The following NXPE2 variants were observed in gnomAD, a reference collection of about 807,000 sequenced individuals.
NXPE2 encodes neurexophilin and PC-esterase domain family member 2, also known as NXPE family member 2.
In NXPE2, 34 loss-of-function variants were observed where a neutral mutation model predicts 34.4. The observed-to-expected ratio is 0.99, with a 90% confidence interval of 0.75 to 1.31. NXPE2 has a LOEUF of 1.31. Among genes scored for constraint, NXPE2 ranks in the 40% most tolerant of loss-of-function variants. NXPE2 has a pLI of 0.00. For missense variants in NXPE2, 649 were observed against 672.5 expected, an observed-to-expected ratio of 0.97 and a Z score of 0.39; for synonymous variants, 235 against 231.3, an observed-to-expected ratio of 1.02 and a Z score of -0.15.
At chr11:114,802,689 T>A in the NXPE2 span, among the ~76,000 whole-genome samples, 2 of 152,214 alleles carry the variant, frequency 1.3e-5, no homozygotes. Flanking sequence ...TTTTGAAATT[T>A]GAGTCTAATT....
At chr11:114,652,363 G>C in the NXPE2 span, among the ~76,000 whole-genome samples, 1 of 152,216 alleles carries the variant, frequency 6.6e-6, no homozygotes, top group South Asian at 2.1e-4. Flanking sequence ...CTGTGCCTAA[G>C]CTTGAAACTC....
At chr11:114,581,575 C>T in the NXPE2 span, 5 of 657,632 alleles carry the variant, frequency 7.6e-6, no homozygotes, top group African/African-American at 5.6e-5. Context: ...TATTCACTCA[C>T]CTAGGTAACT....
chr11:114,537,272 G>C, the NXPE2 span, among the ~76,000 whole-genome samples: 2 of 152,080 alleles, frequency 1.3e-5, no homozygotes. Context: ...GTATTGATGG[G>C]ACATATCTCA....
At chr11:114,673,332 A>C in the NXPE2 span, among the ~76,000 whole-genome samples, 1 of 151,544 alleles carries the variant, frequency 6.6e-6, no homozygotes, top group African/African-American at 2.4e-5. Flanking sequence ...TAAAGTAGTT[A>C]TTAGATGGAA....
the NXPE2 span, among the ~76,000 whole-genome samples, chr11:114,481,017 G>T: frequency 6.6e-6 from 1 of 152,076 alleles, no homozygotes; most frequent in East Asian, 1.9e-4. Flanking sequence ...AGTTATGATT[G>T]GATTTGTCGA....
At chr11:114,502,004 T>C in the NXPE2 span, among the ~76,000 whole-genome samples, 1 of 152,198 alleles carries the variant, frequency 6.6e-6, no homozygotes, top group African/African-American at 2.4e-5. Context: ...CATTGCACTA[T>C]TGACATTTTG....
chr11:114,598,130 G>C, the NXPE2 span, among the ~76,000 whole-genome samples: 1 of 152,160 alleles, frequency 6.6e-6, no homozygotes. Flanking sequence ...TTGGCAGAAA[G>C]AAAGCAGCTA....
chr11:114,805,824 C>A, the NXPE2 span, among the ~76,000 whole-genome samples: 1 of 152,224 alleles, frequency 6.6e-6, no homozygotes, highest in South Asian at 2.1e-4. Flanking sequence ...AAATGTCCCT[C>A]TCTGACAGCT....
At chr11:114,747,173 C>A in the NXPE2 span, among the ~76,000 whole-genome samples, 1 of 152,124 alleles carries the variant, frequency 6.6e-6, no homozygotes, top group Non-Finnish European at 1.5e-5. Flanking sequence ...TAATGAACAA[C>A]CACAAACTTA....
the NXPE2 span, among the ~76,000 whole-genome samples, chr11:114,718,791 A>G: frequency 6.6e-6 from 1 of 152,158 alleles, no homozygotes; most frequent in South Asian, 2.1e-4. Flanking sequence ...AGGAGACCTT[A>G]TTTATCATCA....
chr11:114,642,762 C>T, the NXPE2 span, among the ~76,000 whole-genome samples: 7 of 151,952 alleles, frequency 4.6e-5, no homozygotes, highest in East Asian at 1.9e-4. Flanking sequence ...GGTTTATATT[C>T]CTTTGGGTAT....
the NXPE2 span, among the ~76,000 whole-genome samples, chr11:114,521,022 T>C: frequency 3.3e-5 from 5 of 152,338 alleles, no homozygotes; most frequent in African/African-American, 9.6e-5. Flanking sequence ...CATTCACTGA[T>C]GATCTCTGCC....
At chr11:114,467,337 C>T in the NXPE2 span, among the ~76,000 whole-genome samples, 61 of 152,228 alleles carry the variant, frequency 4.0e-4, no homozygotes, top group South Asian at 0.012. Flanking sequence ...AAATCCAGTT[C>T]GTTCCACATT....
At chr11:114,506,416 C>T in the NXPE2 span, among the ~76,000 whole-genome samples, 2 of 152,118 alleles carry the variant, frequency 1.3e-5, no homozygotes, top group Non-Finnish European at 2.9e-5. Flanking sequence ...CACCCAGAAA[C>T]AACAGAATAT....
At chr11:114,798,661 C>T in the NXPE2 span, among the ~76,000 whole-genome samples, 1 of 152,316 alleles carries the variant, frequency 6.6e-6, no homozygotes, top group African/African-American at 2.4e-5. Flanking sequence ...GGATTACAGG[C>T]GTGAGCCACT....
the NXPE2 span, among the ~76,000 whole-genome samples, chr11:114,810,997 A>G: frequency 2.0e-5 from 3 of 152,116 alleles, no homozygotes; most frequent in African/African-American, 7.2e-5. Context: ...ATGGAATACT[A>G]TGCAGCCATA....
intron 2 of NXPE2, among the ~76,000 whole-genome samples, chr11:114,686,256 A>G (rs892549781): frequency 2.0e-5 from 3 of 152,002 alleles, no homozygotes; most frequent in African/African-American, 2.4e-5. Flanking sequence ...TAGTTTTTCA[A>G]TCCTTGCCAT....
chr11:114,516,630 C>T, the NXPE2 span, among the ~76,000 whole-genome samples: 15 of 152,036 alleles, frequency 9.9e-5, no homozygotes, highest in Non-Finnish European at 2.2e-4. Context: ...TAAAAATGAT[C>T]TATATAATGA....
the NXPE2 span, among the ~76,000 whole-genome samples, chr11:114,792,393 C>A: frequency 1.3e-5 from 2 of 152,122 alleles, no homozygotes; most frequent in Non-Finnish European, 2.9e-5. Context: ...GGACTCTGAC[C>A]CCCCATCTAT....
Sources: gnomAD v4.1 joint callset for allele counts (sites outside exome capture counted in the v4.1 genomes callset) on GRCh38, gnomAD v4.1.1 for gene constraint, MANE v1.5 for transcripts, NCBI Gene and HGNC (gene_info 2026-07-23, HGNC 2026-07-21) for gene names.